ZNF284: variants seen among roughly 807,000 people sequenced by gnomAD.
ZNF284 encodes zinc finger protein 284.
In ZNF284, 12 loss-of-function variants were observed where a neutral mutation model predicts 12.9. The observed-to-expected ratio is 0.93, with a 90% CI of 0.60 to 1.51. The LOEUF is 1.51. ZNF284 is among the 40% of genes most tolerant of loss of function. The probability of loss-of-function intolerance (pLI) is 0.00; values close to 1 mark genes in which losing one functional copy is unlikely to be tolerated. For synonymous variants in ZNF284, 225 were observed against 236.5 expected, an observed-to-expected ratio of 0.95 and a Z score of 0.45; for missense variants, 667 against 707.3, an observed-to-expected ratio of 0.94 and a Z score of 0.65.
At position 44,088,743 on chromosome 19, in the gene ZNF284, T is replaced by A. The variant is rs1356459728; in HGVS notation, c.*1483T>A. ...AGTTATAAGATATGAATATGTTAAT[T>A]TTAGTAGATACTTCCGAAAAGTATT... On this transcript the variant is annotated 3_prime_UTR_variant, in exon 5 of 5. Coordinates refer to ENST00000421176, the MANE Select transcript of ZNF284 (RefSeq NM_001037813.4). The A allele has an allele frequency of 1.3e-5, 2 of 152,246 alleles. No individual in the cohort carries two copies. Among genetic ancestry groups the A allele is most frequent in the Non-Finnish European group, 2.9e-5 (2 of 68,048 alleles). The allele number at this position is 152,246 out of a possible 1,614,324, so 9.4% of individuals were successfully genotyped here.
chr19:44,076,818 C>CT (rs199632689), intron 2 of ZNF284, among the ~76,000 whole-genome samples: 25 of 138,998 alleles, frequency 1.8e-4, no homozygotes, highest in East Asian at 6.2e-4. Flanking sequence ...ATTGATGCTC[C>CT]TTTTTTTTTT....
chr19:44,083,898 C>T (rs973876211), intron 4 of ZNF284, among the ~76,000 whole-genome samples: 2 of 152,114 alleles, frequency 1.3e-5, no homozygotes. Context: ...CTTGTAGGAC[C>T]TGTCCTCAGG....
chr19:44,086,302 G>T lies in ZNF284; in HGVS notation c.824G>T (p.Arg275Leu), dbSNP rs185184972. Residue 275 changes from arginine to leucine, a missense_variant, in exon 5 of 5, where the codon CGG becomes CTG. Transcript: ENST00000421176. ...GCCTTCATTCACAATTCCCAGCTTC[G>T]GGAACATCAAAGAATCCATACTGGG... ...GKAFIHNSQL[R>L]EHQRIHTGEK... 7 of 1,614,076 alleles carry T rather than the reference G, an allele frequency of 4.3e-6. No homozygotes were observed. Among genetic ancestry groups the T allele is most frequent in the Non-Finnish European group, 5.9e-6 (7 of 1,180,002 alleles).
chr19:44,074,147 A>G (rs1966993186), intron 1 of ZNF284, among the ~76,000 whole-genome samples: 2 of 151,826 alleles, frequency 1.3e-5, no homozygotes, highest in Admixed American at 1.3e-4. Context: ...TGAGGTCGGG[A>G]GTTTGAGACC....
Position 44,087,936 on chromosome 19 carries a change from A to T in ZNF284, c.*676A>T, listed in dbSNP as rs1296178232. ...AGGCGCCCGCCACCACACCTGACTA[A>T]TTGTTGTATGCGTAGTAGAGATGGG... On this transcript the variant is annotated 3_prime_UTR_variant, in exon 5 of 5. Transcript: ENST00000421176. 1 of 151,536 alleles carries T rather than the reference A, an allele frequency of 6.6e-6. No homozygotes were observed. Among genetic ancestry groups the T allele is most frequent in the Non-Finnish European group, 1.5e-5 (1 of 67,904 alleles). The allele number at this position is 151,536 out of a possible 1,614,324, so 9.4% of individuals were successfully genotyped here. A position where few individuals can be genotyped will look rare whatever the true frequency, so the allele number is the denominator to read the frequency against.
chr19:44,086,245 A>T lies in ZNF284; in HGVS notation c.767A>T (p.Glu256Val). 1 of 1,614,192 alleles carries T rather than the reference A, an allele frequency of 6.2e-7. No individual in the cohort carries two copies. The highest frequency in any genetic ancestry group is 8.5e-7 in the Non-Finnish European group (1 of 1,180,008). ...GTTCATTGCAAATTACACACAGGAG[A>T]AAAACCTCATATTTGTGAGGAATGT... ...MYVHCKLHTG[E>V]KPHICEECGK... The change falls in exon 5 of 5, where the codon GAA becomes GTA. Residue 256 changes from glutamate (E) to valine (V), a missense_variant. Glu to Val is a moderately radical substitution (Grantham distance 121). Transcript: ENST00000421176.
rs1183471587 is a variant in ZNF284 at position 44,081,093 on chromosome 19, CTGTATCGAGA to C, written c.98_107del (p.Tyr33SerfsTer76). The C allele has an allele frequency of 1.2e-6, 2 of 1,613,052 alleles. No individual in the cohort carries two copies. The highest frequency in any genetic ancestry group is 1.7e-6 in the Non-Finnish European group (2 of 1,179,348). On this transcript the variant is annotated frameshift_variant, in exon 3 of 5. Transcript: ENST00000421176. LOFTEE classifies it high-confidence loss of function. ...GCTGCTGGACGTTTCCCAGAGGAAG[CTGTATCGAGA>C]TGTCATGCTGGAGAACTTCAGAAAC...
chr19:44,083,319 AGCTACTCG>A lies in ZNF284; in HGVS notation c.235+1216_235+1223del, dbSNP rs1967156400. ...TGTGGTAGCACAGTCCTGTAATCCC[AGCTACTCG>A]GGTGGCTGAGGCGTGAGAATCACTT... On this transcript the variant is annotated intron_variant, in intron 4 of 4. Transcript: ENST00000421176. Among the ~76,000 whole-genome samples, 4 of 151,746 alleles carry A rather than the reference AGCTACTCG, an allele frequency of 2.6e-5. No homozygotes were observed. The South Asian group carries it at 8.4e-4, about 32-fold the overall frequency.
chr19:44,079,710 A>AAAAAC (rs767960439), intron 2 of ZNF284, among the ~76,000 whole-genome samples: 16 of 151,352 alleles, frequency 1.1e-4, no homozygotes, highest in African/African-American at 2.9e-4. Context: ...CCATCTCAAA[A>AAAAAC]AAAACAAAAC....
Position 44,086,103 on chromosome 19 carries a change from A to G in ZNF284, c.625A>G (p.Ser209Gly). The G allele has an allele frequency of 1.2e-6, 2 of 1,614,248 alleles. No individual in the cohort carries two copies. The highest frequency in any genetic ancestry group is 1.1e-5 in the South Asian group (1 of 91,088). The change falls in exon 5 of 5, where the codon AGT (serine) becomes GGT (glycine). Residue 209 changes from serine (S) to glycine (G), a missense_variant. Physicochemically the swap from Ser to Gly is moderately conservative, Grantham distance 56. Coordinates refer to ENST00000421176, the MANE Select transcript of ZNF284 (RefSeq NM_001037813.4). ...GEKRYKCDVC[S>G]KAFSQNSQLQ... ...GAAACGCTATAAGTGTGATGTGTGT[A>G]GTAAGGCATTTAGTCAGAACTCACA...
intron 1 of ZNF284, among the ~76,000 whole-genome samples, chr19:44,073,375 T>G (rs1371351948): frequency 6.6e-6 from 1 of 152,188 alleles, no homozygotes; most frequent in African/African-American, 2.4e-5. Flanking sequence ...TTCTGGGAGT[T>G]TATCAACTAT....
At chr19:44,081,204 T>C in intron 3 of ZNF284, 63 bp downstream of exon 3, 1 of 1,537,920 alleles carries the variant, frequency 6.5e-7, no homozygotes, top group Non-Finnish European at 8.8e-7. Flanking sequence ...TATCCTAGGG[T>C]GTTTGTGTTA....
At chr19:44,084,796 G>C (rs2147507046) in intron 4 of ZNF284, among the ~76,000 whole-genome samples, 1 of 152,274 alleles carries the variant, frequency 6.6e-6, no homozygotes, top group South Asian at 2.1e-4. Context: ...TTGGGCCCCA[G>C]GGCAAGATGC....
At chr19:44,075,468 G>T (rs1170499463) in intron 1 of ZNF284, among the ~76,000 whole-genome samples, 1 of 152,208 alleles carries the variant, frequency 6.6e-6, no homozygotes, top group Non-Finnish European at 1.5e-5. Context: ...ACCTAACAGT[G>T]TCCAAATGAT....
intron 2 of ZNF284, among the ~76,000 whole-genome samples, chr19:44,077,438 C>G (rs1180186892): frequency 6.6e-6 from 1 of 151,844 alleles, no homozygotes; most frequent in African/African-American, 2.4e-5. Context: ...GTGAATCTTG[C>G]CAGTTGCTCC....
chr19:44,082,326 T>C (rs573942740), intron 4 of ZNF284, among the ~76,000 whole-genome samples: 163 of 152,328 alleles, frequency 1.1e-3, no homozygotes, highest in African/African-American at 3.7e-3. Flanking sequence ...TAAGTCAGAT[T>C]GCCATTCCTC....
At chr19:44,074,452 T>A (rs191213503) in intron 1 of ZNF284, among the ~76,000 whole-genome samples, 3 of 152,328 alleles carry the variant, frequency 2.0e-5, no homozygotes, top group Non-Finnish European at 4.4e-5. Flanking sequence ...GAAATTCTCA[T>A]ATACTCTTTA....
chr19:44,082,041 T>G lies in ZNF284; in HGVS notation c.171T>G (p.Phe57Leu). 1 of 1,614,016 alleles carries G rather than the reference T, an allele frequency of 6.2e-7. No individual in the cohort carries two copies. The highest frequency in any genetic ancestry group is 8.5e-7 in the Non-Finnish European group (1 of 1,179,938). ...ATCAACTTTCCCACCGAGATACTTT[T>G]CACTTCCAAAGAGAAGAAAAGTTTT... ...VGHQLSHRDTFHFQREEKFWI... is the reference protein window; with the variant it reads ...VGHQLSHRDTLHFQREEKFWI... Residue 57 changes from phenylalanine to leucine, a missense_variant, in exon 4 of 5, where the codon TTT becomes TTG. By Grantham distance (22) the Phe-to-Leu change is conservative. Coordinates refer to ENST00000421176, the MANE Select transcript of ZNF284 (RefSeq NM_001037813.4).
chr19:44,080,904 C>A, intron 2 of ZNF284, 111 bp from the exon 3 acceptor site: 1 of 1,356,362 alleles, frequency 7.4e-7, no homozygotes, highest in Non-Finnish European at 1.0e-6. Context: ...TGACCTACAT[C>A]TTTCAAGATC....
Sources: gnomAD v4.1 joint callset for allele counts (sites outside exome capture counted in the v4.1 genomes callset) on GRCh38, gnomAD v4.1.1 for gene constraint, MANE v1.5 for transcripts, NCBI Gene and HGNC (gene_info 2026-07-23, HGNC 2026-07-21) for gene names.